Variants in ARHGAP24 observed in about 807,000 individuals in gnomAD.
ARHGAP24 encodes Rho GTPase activating protein 24.
In ARHGAP24, 50 loss-of-function variants were observed where a neutral mutation model predicts 76.4. That is an observed-to-expected ratio of 0.65 (90% CI 0.52 to 0.83). ARHGAP24 has a LOEUF of 0.83. Among genes scored for constraint, ARHGAP24 ranks in the 40% least tolerant of loss-of-function variants. The probability of loss-of-function intolerance (pLI) is 0.00; values close to 1 mark genes in which losing one functional copy is unlikely to be tolerated. For synonymous variants in ARHGAP24, 345 were observed against 323.3 expected (o/e 1.07, Z -0.72); for missense variants, 930 against 914.2 (o/e 1.02, Z -0.22).
At chr4:85,731,816 A>G (rs1725422221) in intron 3 of ARHGAP24, among the ~76,000 whole-genome samples, 1 of 152,226 alleles carries the variant, frequency 6.6e-6, no homozygotes, top group Non-Finnish European at 1.5e-5. Flanking sequence ...CTGATTACTC[A>G]CTATACATTA....
intron 3 of ARHGAP24, among the ~76,000 whole-genome samples, chr4:85,731,073 G>A (rs1725387344): frequency 2.7e-5 from 4 of 149,880 alleles, no homozygotes; most frequent in Admixed American, 2.0e-4. Context: ...ATACATATAT[G>A]TATATGTGTA....
intron 1 of ARHGAP24, among the ~76,000 whole-genome samples, chr4:85,511,548 TTCC>T (rs1251814870): frequency 1.3e-5 from 2 of 152,044 alleles, no homozygotes; most frequent in African/African-American, 4.8e-5. Context: ...CTGCAACCTC[TTCC>T]TCACGGGTTC....
intron 2 of ARHGAP24, among the ~76,000 whole-genome samples, chr4:85,666,997 C>A (rs907474906): frequency 6.6e-6 from 1 of 152,132 alleles, no homozygotes; most frequent in African/African-American, 2.4e-5. Flanking sequence ...TCTCCAGCTG[C>A]GTGCTGGGAG....
chr4:85,993,033 C>T (rs908806894), intron 8 of ARHGAP24, among the ~76,000 whole-genome samples: 2 of 152,066 alleles, frequency 1.3e-5, no homozygotes, highest in African/African-American at 4.8e-5. Flanking sequence ...TTTAACTTCT[C>T]TAACCCTCAA....
chr4:85,875,539 AT>A (rs1732859720), intron 3 of ARHGAP24, among the ~76,000 whole-genome samples: 1 of 93,346 alleles, frequency 1.1e-5, no homozygotes, highest in African/African-American at 4.3e-5. Context: ...AATATATATT[AT>A]TTATATTTTA....
chr4:85,535,381 T>A (rs1725428767), intron 1 of ARHGAP24, among the ~76,000 whole-genome samples: 1 of 152,182 alleles, frequency 6.6e-6, no homozygotes, highest in African/African-American at 2.4e-5. Context: ...ATCAGATATG[T>A]ATGGTAAAAA....
intron 4 of ARHGAP24, 114 bp downstream of exon 4, chr4:85,923,884 T>A (rs1230432352): frequency 2.1e-6 from 3 of 1,434,522 alleles, no homozygotes; most frequent in African/African-American, 2.8e-5. Flanking sequence ...AATGTTAAAA[T>A]AAATTGTAAA....
At chr4:85,716,075 A>T (rs1021375974) in intron 2 of ARHGAP24, among the ~76,000 whole-genome samples, 1 of 152,040 alleles carries the variant, frequency 6.6e-6, no homozygotes, top group Non-Finnish European at 1.5e-5. Flanking sequence ...GCTCATAGTC[A>T]TTGTTTATGC....
chr4:85,727,296 G>A (rs1171189158), intron 3 of ARHGAP24, among the ~76,000 whole-genome samples: 1 of 152,086 alleles, frequency 6.6e-6, no homozygotes. Flanking sequence ...AACTGGAATG[G>A]ATACACTGGT....
At chr4:85,715,651 T>C (rs1028701986) in intron 2 of ARHGAP24, among the ~76,000 whole-genome samples, 18 of 152,090 alleles carry the variant, frequency 1.2e-4, no homozygotes, top group Non-Finnish European at 2.5e-4. Flanking sequence ...ATCAGGAAAT[T>C]ATTATATAGC....
intron 1 of ARHGAP24, among the ~76,000 whole-genome samples, chr4:85,510,403 C>T (rs901181793): frequency 2.0e-5 from 3 of 151,938 alleles, no homozygotes; most frequent in Non-Finnish European, 4.4e-5. Context: ...TCCTAATGTA[C>T]CACTCCCCTT....
chr4:85,520,426 T>C (rs1190219463), intron 1 of ARHGAP24, among the ~76,000 whole-genome samples: 1 of 152,172 alleles, frequency 6.6e-6, no homozygotes, highest in African/African-American at 2.4e-5. Flanking sequence ...TTATAGAAGA[T>C]AATGGGCATA....
At chr4:85,948,867 C>T (rs750872398) in intron 5 of ARHGAP24, among the ~76,000 whole-genome samples, 12 of 152,070 alleles carry the variant, frequency 7.9e-5, no homozygotes, top group Non-Finnish European at 1.6e-4. Flanking sequence ...TTTCCTACAT[C>T]GAGACTCTTT....
At chr4:85,487,744 T>C (rs1464125495) in intron 1 of ARHGAP24, among the ~76,000 whole-genome samples, 1 of 104,474 alleles carries the variant, frequency 9.6e-6, no homozygotes, top group Non-Finnish European at 1.7e-5. Flanking sequence ...TATTATATAA[T>C]ATATATTTAT....
chr4:85,676,835 A>C (rs570355089), intron 2 of ARHGAP24, among the ~76,000 whole-genome samples: 1 of 152,354 alleles, frequency 6.6e-6, no homozygotes, highest in South Asian at 2.1e-4. Flanking sequence ...CAAAAGAAGT[A>C]GTTGTTTTGA....
chr4:85,548,437 C>T (rs980923076), intron 1 of ARHGAP24, among the ~76,000 whole-genome samples: 1 of 152,162 alleles, frequency 6.6e-6, no homozygotes, highest in Admixed American at 6.5e-5. Flanking sequence ...TGAGTTCATA[C>T]TGATACCTCT....
intron 2 of ARHGAP24, among the ~76,000 whole-genome samples, chr4:85,692,451 C>T (rs1420321338): frequency 5.9e-5 from 9 of 152,186 alleles, no homozygotes; most frequent in Non-Finnish European, 1.2e-4. Flanking sequence ...CCTTCTGTCT[C>T]AGGAATGCCA....
intron 3 of ARHGAP24, among the ~76,000 whole-genome samples, chr4:85,923,033 G>A (rs537844425): frequency 6.6e-6 from 1 of 151,964 alleles, no homozygotes; most frequent in Admixed American, 6.5e-5. Flanking sequence ...CTTCGTGGCT[G>A]TCCAGGCATG....
intron 2 of ARHGAP24, among the ~76,000 whole-genome samples, chr4:85,644,582 T>G (rs576780352): frequency 6.6e-6 from 1 of 152,170 alleles, no homozygotes; most frequent in South Asian, 2.1e-4. Flanking sequence ...ACTAAACTGA[T>G]GGAATATATC....
Sources: gnomAD v4.1 joint callset for allele counts (sites outside exome capture counted in the v4.1 genomes callset) on GRCh38, gnomAD v4.1.1 for gene constraint, MANE v1.5 for transcripts, NCBI Gene and HGNC (gene_info 2026-07-23, HGNC 2026-07-21) for gene names.